Variants in NPEPPS observed in about 807,000 individuals in gnomAD.
NPEPPS encodes aminopeptidase puromycin sensitive.
NPEPPS carries 14 observed loss-of-function variants against 115.5 expected under a neutral mutation model. The observed-to-expected ratio is 0.12, with a 90% CI of 0.08 to 0.19. The LOEUF is 0.19. NPEPPS is among the 10% of genes least tolerant of loss of function. The pLI is 1.00. For synonymous variants in NPEPPS, 285 were observed against 390.6 expected (o/e 0.73, Z 3.19); for missense variants, 523 against 1,110.8 (o/e 0.47, Z 7.52).
chr17:47,534,162 C>G (rs1354785175), intron 1 of NPEPPS, among the ~76,000 whole-genome samples: 1 of 151,616 alleles, frequency 6.6e-6, no homozygotes. Context: ...CACGATCTCG[C>G]CTCACTGCAA....
In NPEPPS at chr17:47,616,541, G is replaced by A. The variant is rs551305140; in HGVS notation, c.2296-1809G>A. Among the ~76,000 whole-genome samples the A allele has an allele frequency of 3.0e-3, 463 of 151,994 alleles. 4 individuals are homozygous for A. Among genetic ancestry groups the A allele is most frequent in the African/African-American group, 0.01 (429 of 41,454 alleles). ...TCTACTAAATATACAAAAATTCGCC[G>A]GGTGTGGTGGCGGGCGCCTGTAGTC... On this transcript the variant is annotated intron_variant, in intron 19 of 22. Coordinates refer to ENST00000322157, the MANE Select transcript of NPEPPS (RefSeq NM_006310.4).
intron 17 of NPEPPS, among the ~76,000 whole-genome samples, chr17:47,611,262 C>T (rs1913855211): frequency 6.6e-6 from 1 of 151,576 alleles, no homozygotes; most frequent in Admixed American, 6.6e-5. Context: ...GAGTTCGAGA[C>T]CAGCCTGGCC....
chr17:47,559,359 T>C (rs989257999), intron 2 of NPEPPS, among the ~76,000 whole-genome samples: 1 of 152,162 alleles, frequency 6.6e-6, no homozygotes, highest in Non-Finnish European at 1.5e-5. Flanking sequence ...TCTTATTACA[T>C]ATTTTTGTTC....
chr17:47,607,029 C>T (rs532208122), intron 17 of NPEPPS, among the ~76,000 whole-genome samples: 48 of 151,844 alleles, frequency 3.2e-4, no homozygotes, highest in African/African-American at 1.1e-3. Flanking sequence ...CCCGTCTCTA[C>T]TAAAAATACA....
intron 14 of NPEPPS, 53 bp from the exon 15 acceptor site, chr17:47,601,555 C>T: frequency 6.2e-7 from 1 of 1,607,356 alleles, no homozygotes; most frequent in Non-Finnish European, 8.5e-7. Flanking sequence ...CCTCTCTCCA[C>T]CTTACCTTCT....
chr17:47,605,432 C>G lies in NPEPPS; in HGVS notation c.1975C>G (p.Leu659Val). ...YTVWSDLSCN[L>V]GILSTLLSHT... Reference sequence around the variant, plus strand: ...TGTATGGAGCGACCTGAGCTGTAACCTGGGGATTCTCTCAACTCTCTTGTC... The same window carrying G: ...TGTATGGAGCGACCTGAGCTGTAACGTGGGGATTCTCTCAACTCTCTTGTC... The change falls in exon 17 of 23, where the codon CTG becomes GTG. Residue 659 changes from leucine (L) to valine (V), a missense_variant. By Grantham distance (32) the Leu-to-Val change is conservative. Transcript: ENST00000322157. 6.2e-7 allele frequency: 1 copy of G among 1,610,430 alleles called. No individual in the cohort carries two copies. Among genetic ancestry groups the G allele is most frequent in the Non-Finnish European group, 8.5e-7 (1 of 1,178,298 alleles).
At chr17:47,600,640 T>G (rs1913137660) in intron 14 of NPEPPS, among the ~76,000 whole-genome samples, 1 of 152,238 alleles carries the variant, frequency 6.6e-6, no homozygotes, top group Non-Finnish European at 1.5e-5. Context: ...TGGTTTAACC[T>G]GATAGCATAA....
intron 2 of NPEPPS, among the ~76,000 whole-genome samples, chr17:47,558,805 TG>T (rs753561446): frequency 1.3e-4 from 20 of 150,910 alleles, no homozygotes; most frequent in Non-Finnish European, 2.5e-4. Context: ...GAGGCCGAGG[TG>T]GGTGGATCAC....
chr17:47,590,717 G>T lies in NPEPPS; in HGVS notation c.1096G>T (p.Glu366Ter). 1 of 1,607,940 alleles carries T rather than the reference G, an allele frequency of 6.2e-7. No individual in the cohort carries two copies. Among genetic ancestry groups the T allele is most frequent in the Non-Finnish European group, 8.5e-7 (1 of 1,176,816 alleles). The change falls in exon 10 of 23, where the codon GAA becomes TAA. Residue 366 changes from glutamate (E) to a stop codon, truncating the protein, a stop_gained and splice_region_variant. Coordinates refer to ENST00000322157, the MANE Select transcript of NPEPPS (RefSeq NM_006310.4). LOFTEE classifies it high-confidence loss of function. Reference protein sequence around the residue: ...HQWFGNLVTMEWWTHLWLNEG... With the variant: ...HQWFGNLVTM ...AAGTATTTTCATCTTTTGTTTTTAG[G>T]AATGGTGGACTCATCTTTGGTTAAA...
At chr17:47,575,609 T>C (rs1408122380) in intron 3 of NPEPPS, among the ~76,000 whole-genome samples, 1 of 148,474 alleles carries the variant, frequency 6.7e-6, no homozygotes, top group Non-Finnish European at 1.5e-5. Flanking sequence ...ATTATTATTA[T>C]TATTATTATT....
In NPEPPS at chr17:47,610,759, A is replaced by G. The variant is rs578005345; in HGVS notation, c.2096-1701A>G. On this transcript the variant is annotated intron_variant, in intron 17 of 22. Transcript: ENST00000322157. ...TCGGCTATTATGAATTCTGTTATGC[A>G]CATTTGTATACAAGTTTTTGTGTAG... is the stretch of plus-strand genomic sequence containing the variant. 9.2e-5 allele frequency among the ~76,000 whole-genome samples: 14 copies of G among 151,800 alleles called. No homozygotes were observed. The East Asian group carries it at 2.7e-3, about 30-fold the overall frequency.
At chr17:47,589,177 G>GCTCAAGCAATC (rs1459364326) in intron 9 of NPEPPS, among the ~76,000 whole-genome samples, 2 of 151,968 alleles carry the variant, frequency 1.3e-5, no homozygotes, top group Non-Finnish European at 2.9e-5. Flanking sequence ...AAACTCCTGG[G>GCTCAAGCAATC]CTCAAGCAAT....
intron 1 of NPEPPS, among the ~76,000 whole-genome samples, chr17:47,523,465 G>A (rs2143626700): frequency 6.6e-6 from 1 of 150,742 alleles, no homozygotes; most frequent in Non-Finnish European, 1.5e-5. Context: ...TTGTCACCCA[G>A]GCTGGAGTGC....
Position 47,619,796 on chromosome 17 carries a change from A to C in NPEPPS, c.2607+12A>C. 1 of 1,598,464 alleles carries C rather than the reference A, an allele frequency of 6.3e-7. No homozygotes were observed. Among genetic ancestry groups the C allele is most frequent in the Non-Finnish European group, 8.6e-7 (1 of 1,165,866 alleles). The stretch of plus-strand genomic sequence containing the variant: ...CTGGAGAGGTTAAGGTAAGGAAAAT[A>C]CTGTTTACTCTTCACTTTTCAGTCT... On this transcript the variant is annotated intron_variant, in intron 22 of 22. Transcript: ENST00000322157.
At chr17:47,545,180 A>AT (rs1053420097) in intron 1 of NPEPPS, among the ~76,000 whole-genome samples, 2 of 151,818 alleles carry the variant, frequency 1.3e-5, no homozygotes, top group African/African-American at 4.8e-5. Context: ...AATTAAAAAA[A>AT]TTTTTTTTGT....
At chr17:47,534,342 GA>G (rs1567832590) in intron 1 of NPEPPS, among the ~76,000 whole-genome samples, 9 of 152,264 alleles carry the variant, frequency 5.9e-5, no homozygotes, top group Admixed American at 2.0e-4. Flanking sequence ...GCCTCCTAAA[GA>G]GCTGGGATTA....
In NPEPPS at chr17:47,523,469, G is replaced by A. The variant is rs1465197593; in HGVS notation, c.77+406G>A. Among the ~76,000 whole-genome samples the A allele has an allele frequency of 4.0e-5, 6 of 150,276 alleles. No individual in the cohort carries two copies. The South Asian group carries it at 1.3e-3, about 32-fold the overall frequency. ...GGGGTCTCGTTTTGTCACCCAGGCT[G>A]GAGTGCAATGGCGTGATCTTGACTC... is the stretch of plus-strand genomic sequence containing the variant. On this transcript the variant is annotated intron_variant, in intron 1 of 5. Coordinates refer to the NPEPPS transcript ENST00000525007.
In NPEPPS at chr17:47,609,841, G is replaced by A. The variant is rs369322535; in HGVS notation, c.2096-2619G>A. Among the ~76,000 whole-genome samples, 6 of 152,090 alleles carry A rather than the reference G, an allele frequency of 3.9e-5. No homozygotes were observed. In the East Asian group the frequency reaches 9.7e-4, roughly 25 times the overall value. ...AATGTGTGTTCTGTTCTTATACCTG[G>A]CCTCTCTCACTCAGCGTAGTGTTTC... On this transcript the variant is annotated intron_variant, in intron 17 of 22. Transcript: ENST00000322157.
chr17:47,538,531 T>TC (rs1189028971), intron 1 of NPEPPS, among the ~76,000 whole-genome samples: 3 of 142,474 alleles, frequency 2.1e-5, no homozygotes, highest in African/African-American at 5.2e-5. Flanking sequence ...GTTTTCTTTT[T>TC]TTTTTTTTTT....
Sources: gnomAD v4.1 joint callset for allele counts (sites outside exome capture counted in the v4.1 genomes callset) on GRCh38, gnomAD v4.1.1 for gene constraint, MANE v1.5 for transcripts, NCBI Gene and HGNC (gene_info 2026-07-23, HGNC 2026-07-21) for gene names.